IRF2: variants seen among roughly 807,000 people sequenced by gnomAD.
IRF2 encodes interferon regulatory factor 2.
Under a neutral mutation model 40.6 loss-of-function variants are expected in IRF2, and 15 were observed. The ratio of observed to expected loss-of-function variants is 0.37; its 90% CI spans 0.25 to 0.57. IRF2 has a LOEUF of 0.57. Ranked by LOEUF, IRF2 falls within the 20% of genes least tolerant of loss-of-function variation. The pLI is 0.77. For synonymous variants in IRF2, 151 were observed against 165.5 expected (o/e 0.91, Z 0.67); for missense variants, 317 against 455.7 (o/e 0.70, Z 2.77).
chr4:184,450,040 G>T (rs1315130520), intron 1 of IRF2, among the ~76,000 whole-genome samples: 1 of 152,244 alleles, frequency 6.6e-6, no homozygotes, highest in Non-Finnish European at 1.5e-5. Context: ...GCCAGATAAA[G>T]TCTTCAGAAT....
At chr4:184,409,512 G>C (rs527892094) in intron 5 of IRF2, among the ~76,000 whole-genome samples, 2 of 152,282 alleles carry the variant, frequency 1.3e-5, no homozygotes, top group African/African-American at 4.8e-5. Flanking sequence ...GGCAGGCCCA[G>C]AATATCCATC....
At chr4:184,469,971 G>C (rs1739459054) in intron 1 of IRF2, among the ~76,000 whole-genome samples, 1 of 152,068 alleles carries the variant, frequency 6.6e-6, no homozygotes, top group African/African-American at 2.4e-5. Context: ...ATCATTCTTT[G>C]TTCTTTGTTG....
At chr4:184,472,386 C>G (rs1269622523) in intron 1 of IRF2, 1 of 152,164 alleles carries the variant, frequency 6.6e-6, no homozygotes, top group Non-Finnish European at 1.5e-5. Context: ...TGTGCACCTG[C>G]CCTTAAGCAC....
rs1332621015 is a variant in IRF2, at chr4:184,408,252, C to A, written c.435G>T (p.Leu145=). 1 of 1,611,404 alleles carries A rather than the reference C, an allele frequency of 6.2e-7. No homozygotes were observed. Among genetic ancestry groups the A allele is most frequent in the Non-Finnish European group, 8.5e-7 (1 of 1,177,488 alleles). The change falls in exon 6 of 9, where the codon CTG becomes CTT. Residue 145 remains leucine (L), a synonymous_variant. Transcript: ENST00000393593. The surrounding 1 kb of genome is among the most constrained non-coding windows in gnomAD (Gnocchi z 4.9). Reference sequence around the variant, plus strand: ...GATCACTTACTCCATTACTAAGCCCCAGAGATGACTCAACTGGTTCTTGCT... The same window carrying A: ...GATCACTTACTCCATTACTAAGCCCAAGAGATGACTCAACTGGTTCTTGCT... ...HIKQEPVESS[L]GLSNGVSDLS... is the part of the protein sequence containing the mutation.
chr4:184,389,995 G>A (rs1248277986), intron 8 of IRF2, among the ~76,000 whole-genome samples: 1 of 152,240 alleles, frequency 6.6e-6, no homozygotes, highest in Non-Finnish European at 1.5e-5. Context: ...GTGTATGGGA[G>A]CGTGTACATC....
chr4:184,445,155 C>A (rs911049811), intron 1 of IRF2, among the ~76,000 whole-genome samples: 3 of 152,196 alleles, frequency 2.0e-5, no homozygotes, highest in Non-Finnish European at 2.9e-5. Context: ...CAACATGCAC[C>A]AAGAGACAGT....
intron 1 of IRF2, among the ~76,000 whole-genome samples, chr4:184,471,176 C>T (rs1739500761): frequency 6.6e-6 from 1 of 152,112 alleles, no homozygotes; most frequent in African/African-American, 2.4e-5. Flanking sequence ...TGTAGACTGC[C>T]ATAATTTATG....
At chr4:184,399,780 T>A (rs1281106699) in intron 6 of IRF2, among the ~76,000 whole-genome samples, 2 of 152,142 alleles carry the variant, frequency 1.3e-5, no homozygotes, top group Non-Finnish European at 2.9e-5. Context: ...TGGCAAACAT[T>A]AGTAGCATCA....
At chr4:184,418,784 A>G in intron 3 of IRF2, 76 bp from the exon 4 acceptor site, 1 of 1,272,024 alleles carries the variant, frequency 7.9e-7, no homozygotes, top group Non-Finnish European at 1.1e-6. Flanking sequence ...GAAACACAGT[A>G]TTGCTGGTCA....
chr4:184,472,672 A>T (rs1739554418), intron 1 of IRF2: 1 of 152,146 alleles, frequency 6.6e-6, no homozygotes, highest in Non-Finnish European at 1.5e-5. Context: ...GAGGAGGTTG[A>T]AGAGGGAGGG....
chr4:184,438,742 T>C (rs1316581296), intron 1 of IRF2, among the ~76,000 whole-genome samples: 2 of 152,202 alleles, frequency 1.3e-5, no homozygotes, highest in Non-Finnish European at 2.9e-5. Context: ...AGGAGAAGCA[T>C]ACCCTAAGAG....
intron 1 of IRF2, among the ~76,000 whole-genome samples, chr4:184,451,379 G>A (rs916766596): frequency 2.6e-5 from 4 of 152,180 alleles, no homozygotes; most frequent in Admixed American, 2.6e-4. Context: ...TGGTGGTGGG[G>A]ATTGTGAGAG....
At chr4:184,454,132 TG>T (rs2149914256) in intron 1 of IRF2, among the ~76,000 whole-genome samples, 1 of 152,292 alleles carries the variant, frequency 6.6e-6, no homozygotes, top group East Asian at 1.9e-4. Context: ...TTCCCCTGGA[TG>T]AGAGTAAATG....
At chr4:184,410,250 T>G (rs2149897271) in intron 5 of IRF2, among the ~76,000 whole-genome samples, 1 of 152,316 alleles carries the variant, frequency 6.6e-6, no homozygotes, top group Non-Finnish European at 1.5e-5. Flanking sequence ...AGTTGTAAAC[T>G]GAGGACAATA....
intron 1 of IRF2, among the ~76,000 whole-genome samples, chr4:184,432,497 G>T (rs1561109175): frequency 6.6e-6 from 1 of 152,226 alleles, no homozygotes; most frequent in Non-Finnish European, 1.5e-5. Flanking sequence ...GCCTTACAGG[G>T]AAAATACGTA....
chr4:184,440,431 T>A (rs1738262051), intron 1 of IRF2, among the ~76,000 whole-genome samples: 1 of 152,202 alleles, frequency 6.6e-6, no homozygotes, highest in Non-Finnish European at 1.5e-5. Flanking sequence ...GCAGCAACGT[T>A]AACATGGGAT....
At chr4:184,463,947 C>T (rs1739231654) in intron 1 of IRF2, among the ~76,000 whole-genome samples, 2 of 152,092 alleles carry the variant, frequency 1.3e-5, no homozygotes, top group African/African-American at 4.8e-5. Flanking sequence ...TATAAAATGC[C>T]TTCACCTCCT....
chr4:184,428,271 A>T (rs1490850431), intron 2 of IRF2, among the ~76,000 whole-genome samples: 1 of 152,236 alleles, frequency 6.6e-6, no homozygotes, highest in Non-Finnish European at 1.5e-5. Flanking sequence ...GAGAACATGG[A>T]AAAGGAAATG....
At chr4:184,402,308 A>T (rs1410916596) in intron 6 of IRF2, among the ~76,000 whole-genome samples, 2 of 152,172 alleles carry the variant, frequency 1.3e-5, no homozygotes, top group Non-Finnish European at 2.9e-5. Context: ...AGCAACAGGC[A>T]GCATTCACCA....
Sources: allele counts gnomAD v4.1 joint callset (sites outside exome capture counted in the v4.1 genomes callset), GRCh38; gene constraint gnomAD v4.1.1; non-coding constraint Gnocchi (gnomAD v3.1); transcripts MANE v1.5; gene names NCBI Gene and HGNC (gene_info 2026-07-23, HGNC 2026-07-21).